Variants in DOCK3 observed in about 807,000 individuals in gnomAD.
The protein encoded by DOCK3 is dedicator of cytokinesis 3, also known as dedicator of cytokinesis protein 3.
In DOCK3, 60 loss-of-function variants were observed where a neutral mutation model predicts 265.6. The observed-to-expected ratio is 0.23, with a 90% CI of 0.18 to 0.28. The LOEUF is 0.28. Ranked by LOEUF, DOCK3 falls within the 10% of genes least tolerant of loss-of-function variation. DOCK3 has a pLI of 1.00. For synonymous variants in DOCK3, 881 were observed against 938.0 expected, an observed-to-expected ratio of 0.94 and a Z score of 1.11; for missense variants, 1,981 against 2,594.3, an observed-to-expected ratio of 0.76 and a Z score of 5.14.
intron 2 of DOCK3, among the ~76,000 whole-genome samples, chr3:50,841,123 T>G (rs2045802216): frequency 2.0e-5 from 3 of 152,232 alleles, no homozygotes. Flanking sequence ...AAATTTTCTT[T>G]TTTCTGAAAA....
intron 5 of DOCK3, among the ~76,000 whole-genome samples, chr3:50,961,058 C>A (rs761771357): frequency 6.6e-6 from 1 of 152,128 alleles, no homozygotes; most frequent in Non-Finnish European, 1.5e-5. Flanking sequence ...TATACAAATA[C>A]CACATTTTCT....
At chr3:50,843,082 G>A (rs2045918143) in intron 3 of DOCK3, among the ~76,000 whole-genome samples, 1 of 152,030 alleles carries the variant, frequency 6.6e-6, no homozygotes. Flanking sequence ...TATTGAGACA[G>A]GAATGATGGT....
At chr3:50,751,007 T>G (rs1182669507) in intron 1 of DOCK3, among the ~76,000 whole-genome samples, 8 of 152,336 alleles carry the variant, frequency 5.3e-5, no homozygotes, top group Admixed American at 5.2e-4. Context: ...TCTCATTTAA[T>G]GTAATAAAAT....
chr3:51,035,171 A>G (rs2080217569), intron 5 of DOCK3, among the ~76,000 whole-genome samples: 1 of 152,102 alleles, frequency 6.6e-6, no homozygotes, highest in Admixed American at 6.6e-5. Context: ...TATTTCTACA[A>G]ATATTTTTCT....
intron 5 of DOCK3, among the ~76,000 whole-genome samples, chr3:51,042,703 C>T (rs1027965374): frequency 2.0e-5 from 3 of 152,198 alleles, no homozygotes; most frequent in African/African-American, 7.2e-5. Context: ...CTCATCATCT[C>T]AGCCCAAAAG....
At chr3:51,263,367 T>A (rs1406304171) in intron 23 of DOCK3, among the ~76,000 whole-genome samples, 3 of 152,110 alleles carry the variant, frequency 2.0e-5, no homozygotes, top group Admixed American at 2.0e-4. Flanking sequence ...GACAAGCAAA[T>A]GCTGAGAGAT....
At chr3:51,141,349 T>TTACA (rs550033179) in intron 9 of DOCK3, among the ~76,000 whole-genome samples, 97 of 151,836 alleles carry the variant, frequency 6.4e-4, no homozygotes, top group African/African-American at 2.2e-3. Context: ...TGAAGCCCTA[T>TTACA]TACATAGCAG....
At chr3:50,941,244 T>C (rs541309066) in intron 5 of DOCK3, among the ~76,000 whole-genome samples, 1 of 152,272 alleles carries the variant, frequency 6.6e-6, no homozygotes, top group East Asian at 1.9e-4. Context: ...AACTCAGTTG[T>C]TGTTGTTGGG....
chr3:51,306,179 T>C (rs1380787587), intron 27 of DOCK3, among the ~76,000 whole-genome samples: 1 of 152,082 alleles, frequency 6.6e-6, no homozygotes, highest in African/African-American at 2.4e-5. Flanking sequence ...TCTTTAGTTT[T>C]GAATGGTAGT....
rs1395883955 is a variant in DOCK3, at chr3:51,287,007, A to G, written c.2922+6803A>G. Among the ~76,000 whole-genome samples the G allele has an allele frequency of 2.6e-5, 4 of 152,070 alleles. No individual in the cohort carries two copies. The South Asian group carries it at 6.2e-4, about 24-fold the overall frequency. On this transcript the variant is annotated intron_variant, in intron 27 of 52. Coordinates refer to ENST00000266037, the MANE Select transcript of DOCK3 (RefSeq NM_004947.5). ...AATTAAAGAGCTTCTGCACAGAAAA[A>G]CTCTCAACAGAATAAACAGGCAAGC...
chr3:50,757,146 C>T (rs1214070070), intron 1 of DOCK3, among the ~76,000 whole-genome samples: 1 of 150,922 alleles, frequency 6.6e-6, no homozygotes, highest in East Asian at 1.9e-4. Context: ...AGCCACTGTG[C>T]CCAGTCAGAT....
intron 5 of DOCK3, among the ~76,000 whole-genome samples, chr3:50,961,069 T>C (rs2076872880): frequency 6.6e-6 from 1 of 152,186 alleles, no homozygotes; most frequent in African/African-American, 2.4e-5. Flanking sequence ...CACATTTTCT[T>C]GATTACTGTA....
chr3:50,706,592 A>G lies in DOCK3; in HGVS notation c.37+31292A>G, dbSNP rs546473191. 1.7e-4 allele frequency among the ~76,000 whole-genome samples: 26 copies of G among 152,290 alleles called. 1 individual carries two copies. The East Asian group carries it at 3.9e-3, about 23-fold the overall frequency. On this transcript the variant is annotated intron_variant, in intron 1 of 52. Coordinates refer to ENST00000266037, the MANE Select transcript of DOCK3 (RefSeq NM_004947.5). Reference sequence around the variant, plus strand: ...GAGAAAACCTTATGGGATTGAATCTATATGGAGACCTTTAAGTTTCCTGTG... The same window carrying G: ...GAGAAAACCTTATGGGATTGAATCTGTATGGAGACCTTTAAGTTTCCTGTG...
intron 14 of DOCK3, among the ~76,000 whole-genome samples, chr3:51,219,700 A>G (rs1230014790): frequency 6.6e-6 from 1 of 152,238 alleles, no homozygotes; most frequent in Non-Finnish European, 1.5e-5. Flanking sequence ...CATACTTCAC[A>G]TGAAAAGGCA....
At chr3:50,913,127 G>C (rs2049946088) in intron 4 of DOCK3, among the ~76,000 whole-genome samples, 1 of 152,066 alleles carries the variant, frequency 6.6e-6, no homozygotes, top group African/African-American at 2.4e-5. Context: ...GGTATCACTG[G>C]TGTTTATTCG....
intron 3 of DOCK3, among the ~76,000 whole-genome samples, chr3:50,888,475 A>G (rs897208159): frequency 6.6e-6 from 1 of 152,194 alleles, no homozygotes; most frequent in Non-Finnish European, 1.5e-5. Flanking sequence ...TCATCAAGCT[A>G]CCAATGACTT....
intron 9 of DOCK3, among the ~76,000 whole-genome samples, chr3:51,137,356 C>T (rs906811749): frequency 3.3e-5 from 5 of 151,988 alleles, no homozygotes; most frequent in African/African-American, 1.2e-4. Flanking sequence ...CATGGAGGAC[C>T]GAATGAGGAA....
rs2088743748 is a variant in DOCK3 at position 51,382,856 on chromosome 3, T to A, written c.*1297T>A. The A allele has an allele frequency of 6.6e-6, 1 of 152,434 alleles. No homozygotes were observed. Among genetic ancestry groups the A allele is most frequent in the Non-Finnish European group, 1.5e-5 (1 of 68,050 alleles). The allele number at this position is 152,434 out of a possible 1,614,324, so 9.4% of individuals were successfully genotyped here. ...TGTCTTTAGAGGAAACTCATTCAAG[T>A]CAGGGCACTGATTTTCCTCTCAGTT... On this transcript the variant is annotated 3_prime_UTR_variant, in exon 53 of 53. Transcript: ENST00000266037.
intron 2 of DOCK3, 47 bp downstream of exon 2, chr3:50,778,805 G>A (rs1313703388): frequency 1.5e-6 from 2 of 1,321,698 alleles, no homozygotes; most frequent in Admixed American, 2.0e-5. Flanking sequence ...ATTTTTGGCA[G>A]TATTATATAC....
Sources: gnomAD v4.1 joint callset for allele counts (sites outside exome capture counted in the v4.1 genomes callset) on GRCh38, gnomAD v4.1.1 for gene constraint, MANE v1.5 for transcripts, NCBI Gene and HGNC (gene_info 2026-07-23, HGNC 2026-07-21) for gene names.